Variants in VPS8 observed in about 807,000 individuals in gnomAD.
The protein encoded by VPS8 is VPS8 subunit of CORVET complex.
Under a neutral mutation model 216.4 loss-of-function variants are expected in VPS8, and 129 were observed. The observed-to-expected ratio is 0.60, with a 90% CI of 0.52 to 0.69. The LOEUF (loss-of-function observed/expected upper bound fraction) is 0.69, where lower values mean the gene tolerates loss of function less well. VPS8 is among the 30% of genes least tolerant of loss of function. The pLI, the probability that VPS8 is intolerant of heterozygous loss-of-function variation, is 0.00. For synonymous variants in VPS8, 571 were observed against 565.4 expected, an observed-to-expected ratio of 1.01 and a Z score of -0.14; for missense variants, 1,531 against 1,683.5, an observed-to-expected ratio of 0.91 and a Z score of 1.59.
chr3:184,904,094 C>T (rs1432210708), intron 25 of VPS8, among the ~76,000 whole-genome samples: 2 of 152,202 alleles, frequency 1.3e-5, no homozygotes, highest in South Asian at 2.1e-4. Flanking sequence ...TTGTATCCTA[C>T]GTCCTTGCTG....
At chr3:184,954,108 C>T (rs1745175147) in intron 36 of VPS8, among the ~76,000 whole-genome samples, 1 of 152,144 alleles carries the variant, frequency 6.6e-6, no homozygotes, top group South Asian at 2.1e-4. Flanking sequence ...ACCTTACTTA[C>T]ATTTACTGGT....
chr3:184,912,902 TG>T, intron 25 of VPS8, among the ~76,000 whole-genome samples: 1 of 152,328 alleles, frequency 6.6e-6, no homozygotes, highest in East Asian at 1.9e-4. Flanking sequence ...CACTTCACCC[TG>T]TTGATGCTCC....
chr3:184,840,732 A>G (rs1721980627), intron 7 of VPS8, among the ~76,000 whole-genome samples: 2 of 151,902 alleles, frequency 1.3e-5, no homozygotes, highest in Non-Finnish European at 2.9e-5. Context: ...TAATAATAAT[A>G]AACAAAAAAC....
chr3:185,011,388 G>C (rs1364594774), intron 45 of VPS8, among the ~76,000 whole-genome samples: 2 of 152,196 alleles, frequency 1.3e-5, no homozygotes, highest in Non-Finnish European at 2.9e-5. Context: ...TGAATACCAA[G>C]TATCATTCTT....
chr3:184,996,429 A>G lies in VPS8; in HGVS notation c.3764A>G (p.Gln1255Arg). The change falls in exon 44 of 48, where the codon CAA becomes CGA. Residue 1255 changes from glutamine (Q) to arginine (R), a missense_variant. Coordinates refer to ENST00000625842, the MANE Select transcript of VPS8 (RefSeq NM_001009921.3). ...GTCACCAGAGGACTGAATCCCAAAC[A>G]AGATTACTGCTCTATATGTTTGCAG... Reference protein sequence around the residue: ...ASVTRGLNPKQDYCSICLQQY... With the variant: ...ASVTRGLNPKRDYCSICLQQY... 1 of 1,613,942 alleles carries G rather than the reference A, an allele frequency of 6.2e-7. No homozygotes were observed. Among genetic ancestry groups the G allele is most frequent in the Admixed American group, 1.7e-5 (1 of 60,026 alleles).
At chr3:184,857,172 T>G (rs1725416332) in intron 14 of VPS8, among the ~76,000 whole-genome samples, 1 of 152,232 alleles carries the variant, frequency 6.6e-6, no homozygotes, top group Non-Finnish European at 1.5e-5. Flanking sequence ...GTTTATAGAA[T>G]TAATGACAAA....
intron 45 of VPS8, among the ~76,000 whole-genome samples, chr3:185,021,994 C>T (rs1005171354): frequency 6.6e-6 from 1 of 152,020 alleles, no homozygotes; most frequent in Non-Finnish European, 1.5e-5. Context: ...TGGCCATGTC[C>T]CCACACAAAT....
chr3:185,048,665 G>A, intron 47 of VPS8, 106 bp downstream of exon 47: 1 of 1,273,230 alleles, frequency 7.9e-7, no homozygotes, highest in Non-Finnish European at 1.1e-6. Context: ...TAGCCTGGAA[G>A]GTGCCCTGGC....
At chr3:184,839,889 A>G in intron 7 of VPS8, 137 bp downstream of exon 7, 1 of 1,418,324 alleles carries the variant, frequency 7.1e-7, no homozygotes, top group Non-Finnish European at 9.1e-7. Flanking sequence ...AGCAGTCAGT[A>G]TTTTTATAGC....
At chr3:184,958,498 G>A (rs35113978) in intron 37 of VPS8, among the ~76,000 whole-genome samples, 100,498 of 152,048 alleles carry the variant, frequency 0.66, 33,724 homozygotes, top group Middle Eastern at 0.78. Context: ...TATAGTTGGG[G>A]TGGAAGTAGG....
intron 25 of VPS8, among the ~76,000 whole-genome samples, chr3:184,902,829 CA>C (rs200582217): frequency 0.28 from 29,761 of 107,654 alleles, 3,663 homozygotes; most frequent in African/African-American, 0.45. Flanking sequence ...GATGCTGTCT[CA>C]AAAAAAAAAA....
chr3:185,031,729 C>T (rs115593065), intron 46 of VPS8, among the ~76,000 whole-genome samples: 302 of 152,292 alleles, frequency 2.0e-3, no homozygotes, highest in Non-Finnish European at 3.1e-3. Context: ...TCTTGAGTGA[C>T]ACTACATTAC....
intron 3 of VPS8, among the ~76,000 whole-genome samples, chr3:184,831,108 A>G (rs1424615235): frequency 6.6e-6 from 1 of 152,360 alleles, no homozygotes; most frequent in East Asian, 1.9e-4. Context: ...GAGGACACAT[A>G]AGTTAGCGGA....
chr3:185,001,669 C>G (rs1753444351), intron 45 of VPS8, among the ~76,000 whole-genome samples: 5 of 152,160 alleles, frequency 3.3e-5, no homozygotes, highest in Admixed American at 3.3e-4. Flanking sequence ...ATCTCCAGCC[C>G]CTCTCCCCTC....
chr3:184,918,679 C>T (rs1218370448), intron 28 of VPS8, among the ~76,000 whole-genome samples: 2 of 152,240 alleles, frequency 1.3e-5, no homozygotes, highest in South Asian at 2.1e-4. Flanking sequence ...CTGTCACTGC[C>T]GTAGTTTTTA....
At chr3:184,862,804 T>C (rs143534814) in intron 15 of VPS8, 93 bp from the exon 16 acceptor site, 2 of 1,303,452 alleles carry the variant, frequency 1.5e-6, no homozygotes, top group Non-Finnish European at 2.1e-6. Context: ...AAGTCCTCAA[T>C]GTAATTTAAT....
At chr3:185,051,760 T>A in intron 47 of VPS8, 116 bp from the exon 48 acceptor site, 1 of 1,260,694 alleles carries the variant, frequency 7.9e-7, no homozygotes, top group South Asian at 1.8e-5. Flanking sequence ...AAACCCTGCA[T>A]GTTACTACTC....
intron 3 of VPS8, among the ~76,000 whole-genome samples, chr3:184,830,415 T>C (rs1719737606): frequency 6.6e-6 from 1 of 152,012 alleles, no homozygotes; most frequent in South Asian, 2.1e-4. Context: ...TATTTATTTT[T>C]TTGCATTTTC....
At chr3:185,028,810 C>G (rs1047462946) in intron 46 of VPS8, among the ~76,000 whole-genome samples, 10 of 152,190 alleles carry the variant, frequency 6.6e-5, no homozygotes, top group African/African-American at 1.9e-4. Flanking sequence ...CGATATGCCT[C>G]ATGAGGGCAG....
Sources: gnomAD v4.1 joint callset for allele counts (sites outside exome capture counted in the v4.1 genomes callset) on GRCh38, gnomAD v4.1.1 for gene constraint, MANE v1.5 for transcripts, NCBI Gene and HGNC (gene_info 2026-07-23, HGNC 2026-07-21) for gene names.